The following COL26A1 variants were observed in gnomAD, a reference collection of about 807,000 sequenced individuals.
The protein encoded by COL26A1 is collagen alpha-1(XXVI) chain.
A neutral mutation model predicts 59.3 loss-of-function variants in COL26A1; 41 were observed. The ratio of observed to expected loss-of-function variants is 0.69; its 90% CI spans 0.54 to 0.90. The LOEUF is 0.90. Among genes scored for constraint, COL26A1 ranks in the 40% least tolerant of loss-of-function variants. The pLI is 0.00. For missense variants in COL26A1, 612 were observed against 602.3 expected (o/e 1.02, Z -0.17); for synonymous variants, 266 against 256.0 (o/e 1.04, Z -0.37).
intron 4 of COL26A1, among the ~76,000 whole-genome samples, chr7:101,537,584 C>T (rs1468676734): frequency 1.3e-5 from 2 of 152,234 alleles, no homozygotes. Flanking sequence ...CAGATTCCAA[C>T]CAGGGCTCCT....
chr7:101,463,581 C>T (rs1793667041), intron 3 of COL26A1, among the ~76,000 whole-genome samples: 1 of 128,628 alleles, frequency 7.8e-6, no homozygotes, highest in African/African-American at 3.0e-5. Flanking sequence ...TTGTCCTTCC[C>T]TTCCCTTCCC....
chr7:101,439,065 AG>A (rs1792984800), intron 2 of COL26A1, among the ~76,000 whole-genome samples: 1 of 152,180 alleles, frequency 6.6e-6, no homozygotes, highest in Non-Finnish European at 1.5e-5. Context: ...GCCCACCTTC[AG>A]CTCATTCCTG....
chr7:101,469,095 CCT>C (rs1793833499), intron 3 of COL26A1, among the ~76,000 whole-genome samples: 1 of 152,148 alleles, frequency 6.6e-6, no homozygotes, highest in African/African-American at 2.4e-5. Flanking sequence ...AGAAGGAATG[CCT>C]CTCTGAGTTT....
chr7:101,523,928 A>G (rs1043993840), intron 3 of COL26A1, among the ~76,000 whole-genome samples: 5 of 152,108 alleles, frequency 3.3e-5, no homozygotes, highest in African/African-American at 1.2e-4. Context: ...CATTGACTCT[A>G]TAGATCAACT....
chr7:101,446,296 C>T (rs1415013250), intron 2 of COL26A1, among the ~76,000 whole-genome samples: 2 of 152,144 alleles, frequency 1.3e-5, no homozygotes, highest in Non-Finnish European at 2.9e-5. Context: ...ACATTGCATT[C>T]ATTACCTACC....
intron 6 of COL26A1, among the ~76,000 whole-genome samples, 162 bp downstream of exon 6, chr7:101,544,258 C>T (rs867805749): frequency 3.9e-5 from 6 of 152,022 alleles, no homozygotes; most frequent in African/African-American, 1.4e-4. Context: ...GAGGGAGTCT[C>T]GCTCTGTTGT....
At chr7:101,374,351 A>G (rs919848542) in intron 1 of COL26A1, among the ~76,000 whole-genome samples, 4 of 152,172 alleles carry the variant, frequency 2.6e-5, no homozygotes, top group Non-Finnish European at 4.4e-5. Context: ...AGAGTGATCT[A>G]TGTAAAGCAG....
At chr7:101,469,294 GT>G (rs981934518) in intron 3 of COL26A1, among the ~76,000 whole-genome samples, 4 of 151,800 alleles carry the variant, frequency 2.6e-5, no homozygotes, top group African/African-American at 9.7e-5. Flanking sequence ...GACTGCTGTG[GT>G]TTTTTTTCTG....
chr7:101,445,645 T>C (rs1793170417), intron 2 of COL26A1, among the ~76,000 whole-genome samples: 1 of 139,644 alleles, frequency 7.2e-6, no homozygotes, highest in South Asian at 2.3e-4. Context: ...GGCAGGAGAA[T>C]GGCGTGAACC....
chr7:101,479,157 C>T (rs1413549184), intron 3 of COL26A1, among the ~76,000 whole-genome samples: 1 of 152,188 alleles, frequency 6.6e-6, no homozygotes, highest in Non-Finnish European at 1.5e-5. Context: ...AATTGCTCTC[C>T]AAACTCAGTG....
intron 3 of COL26A1, among the ~76,000 whole-genome samples, chr7:101,463,881 CTT>C (rs1170714921): frequency 1.3e-5 from 1 of 77,082 alleles, no homozygotes; most frequent in African/African-American, 7.0e-5. Context: ...TTCTTTCTTT[CTT>C]TCTTTCTTTC....
At chr7:101,375,310 G>T (rs1251090959) in intron 1 of COL26A1, among the ~76,000 whole-genome samples, 2 of 151,940 alleles carry the variant, frequency 1.3e-5, no homozygotes, top group Non-Finnish European at 2.9e-5. Flanking sequence ...TGTGCTCTAG[G>T]AGGCCATATG....
intron 1 of COL26A1, among the ~76,000 whole-genome samples, chr7:101,418,826 C>T (rs550611099): frequency 4.5e-4 from 69 of 152,098 alleles, no homozygotes; most frequent in Non-Finnish European, 8.1e-4. Context: ...AACCTGATCC[C>T]GTATTGTTTG....
chr7:101,413,424 T>C lies in COL26A1; in HGVS notation c.159-6553T>C, dbSNP rs551689093. On this transcript the variant is annotated intron_variant, in intron 1 of 12. Coordinates refer to ENST00000313669, the MANE Select transcript of COL26A1 (RefSeq NM_001278563.3). ...ATCCCAGCTACTTGGGAGGCTGATA[T>C]AGGAAAATTGTTTGAACCCAGGAGG... is the stretch of plus-strand genomic sequence containing the variant. Among the ~76,000 whole-genome samples, 119 of 151,676 alleles carry C rather than the reference T, an allele frequency of 7.8e-4. 1 individual carries two copies. Among genetic ancestry groups the C allele is most frequent in the African/African-American group, 2.6e-3 (109 of 41,352 alleles).
At chr7:101,538,659 C>T (rs1795535772) in intron 4 of COL26A1, among the ~76,000 whole-genome samples, 2 of 152,186 alleles carry the variant, frequency 1.3e-5, no homozygotes, top group Non-Finnish European at 2.9e-5. Context: ...TTCTGCAGCC[C>T]ACAGCAGGGC....
intron 2 of COL26A1, 128 bp downstream of exon 2, chr7:101,420,227 C>A: frequency 9.1e-7 from 1 of 1,102,116 alleles, no homozygotes; most frequent in Non-Finnish European, 1.3e-6. Context: ...ATTTATGGAG[C>A]ACCTTCTGTA....
chr7:101,390,049 T>C (rs2130143101), intron 1 of COL26A1, among the ~76,000 whole-genome samples: 1 of 152,156 alleles, frequency 6.6e-6, no homozygotes, highest in Admixed American at 6.5e-5. Flanking sequence ...TTTCTCCTGT[T>C]GGCTGGGCTT....
At position 101,545,484 on chromosome 7, in the gene COL26A1, A is replaced by G; in HGVS notation, c.850A>G (p.Lys284Glu). 6.2e-7 allele frequency: 1 copy of G among 1,604,812 alleles called. No homozygotes were observed. Among genetic ancestry groups the G allele is most frequent in the South Asian group, 1.1e-5 (1 of 90,204 alleles). ...ALYSLQPPTD[K>E]DNGDSRLASA... ...CTACTCCCTGCAGCCGCCTACAGAC[A>G]AAGACAGTGAGTAATGCCCCTGGGG... The change falls in exon 7 of 13, where the codon AAA becomes GAA. Residue 284 changes from lysine to glutamate, a missense_variant. Coordinates refer to ENST00000313669, the MANE Select transcript of COL26A1 (RefSeq NM_001278563.3).
chr7:101,484,303 T>C (rs1370382623), intron 3 of COL26A1, among the ~76,000 whole-genome samples: 1 of 152,128 alleles, frequency 6.6e-6, no homozygotes, highest in Admixed American at 6.6e-5. Context: ...TTATGCAAGA[T>C]GCCATGCTGA....
Sources: gnomAD v4.1 joint callset for allele counts (sites outside exome capture counted in the v4.1 genomes callset) on GRCh38, gnomAD v4.1.1 for gene constraint, MANE v1.5 for transcripts, NCBI Gene and HGNC (gene_info 2026-07-23, HGNC 2026-07-21) for gene names.